Variants in ADAMTS2 observed in about 807,000 individuals in gnomAD.
ADAMTS2 encodes the protein A disintegrin and metalloproteinase with thrombospondin motifs 2.
In ADAMTS2, 50 loss-of-function variants were observed where a neutral mutation model predicts 123.0. The ratio of observed to expected loss-of-function variants is 0.41; its 90% CI spans 0.32 to 0.51. The LOEUF (loss-of-function observed/expected upper bound fraction) is 0.51. Ranked by LOEUF, ADAMTS2 falls within the 20% of genes least tolerant of loss-of-function variation. The pLI, the probability that ADAMTS2 is intolerant of heterozygous loss-of-function variation, is 0.35. For missense variants in ADAMTS2, 1,494 were observed against 1,705.2 expected, an observed-to-expected ratio of 0.88 and a Z score of 2.18; for synonymous variants, 678 against 695.4, an observed-to-expected ratio of 0.98 and a Z score of 0.39.
intron 10 of ADAMTS2, among the ~76,000 whole-genome samples, chr5:179,148,721 C>A (rs1342996254): frequency 1.3e-5 from 2 of 152,190 alleles, no homozygotes; most frequent in African/African-American, 4.8e-5. Flanking sequence ...CACATCTCCC[C>A]TTCCTTCCTA....
chr5:179,288,277 G>A lies in ADAMTS2; in HGVS notation c.535-15213C>T, dbSNP rs568012806. On this transcript the variant is annotated intron_variant, in intron 2 of 21. Coordinates refer to ENST00000251582, the MANE Select transcript of ADAMTS2 (RefSeq NM_014244.5). ...CTGTGCTATCCAGGGCACGCTGACC[G>A]CCGACCGTCCTCTGCCCGCCTGCCC... Among the ~76,000 whole-genome samples, 24 of 152,308 alleles carry A rather than the reference G, an allele frequency of 1.6e-4. No homozygotes were observed. The East Asian group carries it at 2.1e-3, about 14-fold the overall frequency.
intron 3 of ADAMTS2, among the ~76,000 whole-genome samples, chr5:179,245,789 AAAAAAAC>A (rs1765785150): frequency 6.8e-5 from 9 of 132,276 alleles, no homozygotes; most frequent in South Asian, 2.4e-4. Context: ...AAAAAAAAAA[AAAAAAAC>A]AAAAAAAACA....
chr5:179,291,324 C>G (rs1455746029), intron 2 of ADAMTS2, among the ~76,000 whole-genome samples: 1 of 152,234 alleles, frequency 6.6e-6, no homozygotes, highest in African/African-American at 2.4e-5. Flanking sequence ...CACTCTGTGC[C>G]TCTGTCACTG....
intron 3 of ADAMTS2, among the ~76,000 whole-genome samples, chr5:179,231,941 A>C (rs1765420528): frequency 2.1e-5 from 1 of 47,362 alleles, no homozygotes; most frequent in Admixed American, 2.4e-4. Context: ...AAAAAAGAAA[A>C]AGAAAAAAAA....
chr5:179,296,810 G>A (rs970437010), intron 2 of ADAMTS2, among the ~76,000 whole-genome samples: 50 of 152,160 alleles, frequency 3.3e-4, no homozygotes, highest in African/African-American at 1.0e-3. Flanking sequence ...GGTGCAGGCC[G>A]AAAAAAGGAC....
At chr5:179,198,946 C>T (rs937910275) in intron 4 of ADAMTS2, among the ~76,000 whole-genome samples, 1 of 152,134 alleles carries the variant, frequency 6.6e-6, no homozygotes, top group African/African-American at 2.4e-5. Context: ...GCACGGCTGG[C>T]TTCGCCTGGG....
At position 179,188,299 on chromosome 5, in the gene ADAMTS2, G is replaced by A. The variant is rs1581176271; in HGVS notation, c.892-7144C>T. ...GGGCCTGCTGCTCTGTGGCTTCTCTGGGACCCCCTGAAATAAGTGAGGAGA... is the reference window on the plus strand; with the variant it reads ...GGGCCTGCTGCTCTGTGGCTTCTCTAGGACCCCCTGAAATAAGTGAGGAGA... On this transcript the variant is annotated intron_variant, in intron 4 of 21. Transcript: ENST00000251582. This position sits in a 1 kb window ranked among gnomAD's most constrained non-coding sequence, Gnocchi z 5.1. 6.6e-6 allele frequency among the ~76,000 whole-genome samples: 1 copy of A among 152,214 alleles called. No individual in the cohort carries two copies. Among genetic ancestry groups the A allele is most frequent in the South Asian group, 2.1e-4 (1 of 4,824 alleles).
chr5:179,123,718 T>G (rs1762802629), intron 19 of ADAMTS2, among the ~76,000 whole-genome samples: 1 of 152,270 alleles, frequency 6.6e-6, no homozygotes. Flanking sequence ...CGTAAGCCAC[T>G]GTGCCCGGCC....
chr5:179,316,157 A>G (rs75841589), intron 2 of ADAMTS2, among the ~76,000 whole-genome samples: 6,778 of 152,296 alleles, frequency 0.045, 511 homozygotes, highest in African/African-American at 0.15. Context: ...TCCAAGTCCC[A>G]GACTGGGGCG....
chr5:179,277,281 G>A (rs1233444936), intron 2 of ADAMTS2, among the ~76,000 whole-genome samples: 1 of 151,616 alleles, frequency 6.6e-6, no homozygotes, highest in Non-Finnish European at 1.5e-5. Flanking sequence ...CATGCTGGAC[G>A]ATGAACATGG....
intron 4 of ADAMTS2, among the ~76,000 whole-genome samples, chr5:179,183,804 C>G (rs1000796837): frequency 6.6e-6 from 1 of 152,196 alleles, no homozygotes; most frequent in Non-Finnish European, 1.5e-5. Context: ...AGGCCTCTGC[C>G]TGCAAATGGG....
chr5:179,137,774 C>A lies in ADAMTS2; in HGVS notation c.1946G>T (p.Arg649Leu). 6.4e-7 allele frequency: 1 copy of A among 1,568,932 alleles called. No homozygotes were observed. Among genetic ancestry groups the A allele is most frequent in the East Asian group, 2.4e-5 (1 of 42,110 alleles). ...TGCCTCCCAGAAGGGCTCACCATCC[C>A]GGTGCTCGTGGGGCAGCCAGTGGTG... is the stretch of plus-strand genomic sequence containing the variant. ...AQHHWLPHEH[R>L]DAKERCHLYC... The change falls in exon 12 of 22, where the codon CGG becomes CTG. Residue 649 changes from arginine to leucine, a missense_variant. Coordinates refer to ENST00000251582, the MANE Select transcript of ADAMTS2 (RefSeq NM_014244.5).
intron 2 of ADAMTS2, among the ~76,000 whole-genome samples, chr5:179,327,899 A>T (rs1467508841): frequency 6.6e-6 from 1 of 152,238 alleles, no homozygotes; most frequent in African/African-American, 2.4e-5. Context: ...CCTCACCCCC[A>T]AAAACATCCA....
Position 179,225,617 on chromosome 5 carries a change from C to T in ADAMTS2, c.689-17902G>A, listed in dbSNP as rs998029147. 2.0e-5 allele frequency among the ~76,000 whole-genome samples: 3 copies of T among 152,184 alleles called. No individual in the cohort carries two copies. Among genetic ancestry groups the T allele is most frequent in the African/African-American group, 7.2e-5 (3 of 41,430 alleles). On this transcript the variant is annotated intron_variant, in intron 3 of 21. Transcript: ENST00000251582. This position sits in a 1 kb window ranked among gnomAD's most constrained non-coding sequence, Gnocchi z 4.5. ...CTGGACGTCGAGAGGAACGCACCAA[C>T]GAGCACCAGCACGCTGCAGGCCACC...
At chr5:179,259,331 G>A (rs17607156) in intron 3 of ADAMTS2, among the ~76,000 whole-genome samples, 45,620 of 152,192 alleles carry the variant, frequency 0.3, 7,796 homozygotes, top group Non-Finnish European at 0.36. Context: ...CATTGTGCAG[G>A]TATTTGTGGA....
chr5:179,136,384 G>A (rs1763067310), intron 12 of ADAMTS2, among the ~76,000 whole-genome samples: 1 of 152,186 alleles, frequency 6.6e-6, no homozygotes, highest in South Asian at 2.1e-4. Context: ...ACCCTTTTCA[G>A]GCCAGGCAAG....
chr5:179,289,869 T>C (rs1581249413), intron 2 of ADAMTS2, among the ~76,000 whole-genome samples: 1 of 152,266 alleles, frequency 6.6e-6, no homozygotes, highest in East Asian at 1.9e-4. Context: ...GAAAAACCCA[T>C]GGGGATGCAC....
intron 5 of ADAMTS2, among the ~76,000 whole-genome samples, chr5:179,159,739 GAAGTT>G (rs1763560717): frequency 6.6e-6 from 1 of 152,326 alleles, no homozygotes; most frequent in African/African-American, 2.4e-5. Flanking sequence ...GAGACTCAGA[GAAGTT>G]AAGAAGCTTG....
intron 18 of ADAMTS2, 63 bp downstream of exon 18, chr5:179,125,935 C>A: frequency 6.2e-7 from 1 of 1,607,136 alleles, no homozygotes. Flanking sequence ...CCTCCAAGCA[C>A]GGGAGCCCCT....
Sources: allele counts gnomAD v4.1 joint callset (sites outside exome capture counted in the v4.1 genomes callset), GRCh38; gene constraint gnomAD v4.1.1; non-coding constraint Gnocchi (gnomAD v3.1); transcripts MANE v1.5; gene names NCBI Gene and HGNC (gene_info 2026-07-23, HGNC 2026-07-21).